Variants in EDA observed in about 807,000 individuals in gnomAD.
The protein encoded by EDA is ectodysplasin A, also known as ectodysplasin-A.
Under a neutral mutation model 23.6 loss-of-function variants are expected in EDA, and 2 were observed. The ratio of observed to expected loss-of-function variants is 0.08; its 90% CI spans 0.03 to 0.27. The LOEUF (loss-of-function observed/expected upper bound fraction) is 0.27. Among genes scored for constraint, EDA ranks in the 10% least tolerant of loss-of-function variants. EDA has a pLI of 1.00. For missense variants in EDA, 229 were observed against 324.2 expected, an observed-to-expected ratio of 0.71 and a Z score of 2.26; for synonymous variants, 131 against 132.0, an observed-to-expected ratio of 0.99 and a Z score of 0.05.
intron 1 of EDA, among the ~76,000 whole-genome samples, chrX:69,660,658 A>G (rs1178664344): frequency 2.7e-5 from 3 of 111,340 alleles, no homozygotes; most frequent in Non-Finnish European, 5.6e-5. Flanking sequence ...ATGTCCCTAC[A>G]AAGGGCAGGA....
chrX:69,713,187 A>G (rs1313810223), intron 1 of EDA, among the ~76,000 whole-genome samples: 1 of 112,091 alleles, frequency 8.9e-6, no homozygotes, highest in Non-Finnish European at 1.9e-5. Flanking sequence ...CGTTGTGCAC[A>G]TGTACCCTAA....
At chrX:69,950,875 G>T (rs1294428803) in intron 1 of EDA, among the ~76,000 whole-genome samples, 6 of 90,674 alleles carry the variant, frequency 6.6e-5, no homozygotes, top group African/African-American at 2.1e-4. Context: ...CTCACTCATA[G>T]GTGGGAATTG....
intron 2 of EDA, among the ~76,000 whole-genome samples, chrX:70,018,031 A>G (rs1446318662): frequency 8.9e-6 from 1 of 111,856 alleles, no homozygotes; most frequent in Admixed American, 9.5e-5. Flanking sequence ...ATGTACAAAA[A>G]TTAGTAGCAT....
intron 1 of EDA, among the ~76,000 whole-genome samples, chrX:69,948,294 A>C (rs780967586): frequency 8.9e-6 from 1 of 112,245 alleles, no homozygotes; most frequent in Non-Finnish European, 1.9e-5. Context: ...AGTGATTTTT[A>C]AGTCAAACTG....
intron 1 of EDA, among the ~76,000 whole-genome samples, chrX:69,891,770 G>C (rs1231821837): frequency 9.0e-6 from 1 of 110,972 alleles, no homozygotes; most frequent in African/African-American, 3.3e-5. Flanking sequence ...AGAGGGTGGG[G>C]AGTGGGAGGA....
intron 1 of EDA, among the ~76,000 whole-genome samples, chrX:69,695,760 G>T (rs2011318756): frequency 1.8e-5 from 2 of 108,654 alleles, no homozygotes; most frequent in Admixed American, 9.8e-5. Flanking sequence ...TCCCGCCTTG[G>T]CCTCCCAAAG....
intron 1 of EDA, among the ~76,000 whole-genome samples, chrX:69,796,709 G>T (rs1602418150): frequency 1.8e-5 from 2 of 111,863 alleles, no homozygotes; most frequent in East Asian, 5.6e-4. Flanking sequence ...CAATGATTCT[G>T]CAGCAACAAC....
chrX:69,991,520 T>C (rs1446738013), intron 2 of EDA, among the ~76,000 whole-genome samples: 1 of 111,284 alleles, frequency 9.0e-6, no homozygotes, highest in Non-Finnish European at 1.9e-5. Context: ...TCAGGAATAC[T>C]AGACCTGCGG....
At chrX:69,788,245 C>T (rs1306116403) in intron 1 of EDA, among the ~76,000 whole-genome samples, 1 of 112,150 alleles carries the variant, frequency 8.9e-6, no homozygotes, top group East Asian at 2.8e-4. Flanking sequence ...GAATTTCCTC[C>T]CGTAGCTCGG....
intron 1 of EDA, among the ~76,000 whole-genome samples, chrX:69,827,688 C>T (rs1050634555): frequency 1.8e-5 from 2 of 112,217 alleles, no homozygotes; most frequent in Non-Finnish European, 3.8e-5. Context: ...CTGAAGCCTT[C>T]TTCTCTCAGC....
chrX:69,850,622 T>G, intron 1 of EDA, among the ~76,000 whole-genome samples: 1 of 112,180 alleles, frequency 8.9e-6, no homozygotes, highest in Non-Finnish European at 1.9e-5. Context: ...GCTTCCAATA[T>G]ATATTCCATA....
intron 1 of EDA, among the ~76,000 whole-genome samples, chrX:69,713,372 A>G (rs1480552966): frequency 1.8e-5 from 2 of 111,524 alleles, no homozygotes; most frequent in Non-Finnish European, 3.8e-5. Context: ...TCTTATTCAT[A>G]TTTCTTCAGA....
intron 1 of EDA, among the ~76,000 whole-genome samples, chrX:69,821,166 T>A (rs1396390411): frequency 9.4e-6 from 1 of 106,784 alleles, no homozygotes; most frequent in Non-Finnish European, 1.9e-5. Flanking sequence ...TTCTTATAAG[T>A]GTGTTCTTAT....
At chrX:69,966,007 T>G (rs1162051093) in intron 2 of EDA, among the ~76,000 whole-genome samples, 1 of 111,578 alleles carries the variant, frequency 9.0e-6, no homozygotes, top group African/African-American at 3.3e-5. Flanking sequence ...TGATTGAGCC[T>G]CTGCTCTCCA....
chrX:69,757,355 T>C (rs2014155366), intron 1 of EDA, among the ~76,000 whole-genome samples: 1 of 112,129 alleles, frequency 8.9e-6, no homozygotes, highest in African/African-American at 3.2e-5. Flanking sequence ...TCAGGTGTGA[T>C]AGCTCACAGT....
chrX:69,969,946 A>AG (rs901124086), intron 2 of EDA, among the ~76,000 whole-genome samples: 12 of 110,231 alleles, frequency 1.1e-4, no homozygotes, highest in Non-Finnish European at 1.5e-4. Flanking sequence ...CTCAAAAAAA[A>AG]TTTTTTTTAA....
intron 1 of EDA, among the ~76,000 whole-genome samples, chrX:69,852,966 C>G (rs1385348728): frequency 1.8e-5 from 2 of 111,974 alleles, no homozygotes; most frequent in Non-Finnish European, 3.8e-5. Context: ...TTCATTTAAA[C>G]ACAAGCTTCA....
At chrX:69,744,498 A>G (rs2013556898) in intron 1 of EDA, among the ~76,000 whole-genome samples, 1 of 112,291 alleles carries the variant, frequency 8.9e-6, no homozygotes, top group Non-Finnish European at 1.9e-5. Context: ...TTTAAAGGCA[A>G]TGTTGTAAAG....
chrX:69,749,691 C>T (rs1461156343), intron 1 of EDA: 1 of 111,602 alleles, frequency 9.0e-6, no homozygotes. Context: ...TCATTAGTCT[C>T]TTCTTGGCTG....
Sources: gnomAD v4.1 joint callset for allele counts (sites outside exome capture counted in the v4.1 genomes callset) on GRCh38, gnomAD v4.1.1 for gene constraint, MANE v1.5 for transcripts, NCBI Gene and HGNC (gene_info 2026-07-23, HGNC 2026-07-21) for gene names.